HLCS: variants seen among roughly 807,000 people sequenced by gnomAD.
The protein encoded by HLCS is biotin--protein ligase.
A neutral mutation model predicts 75.0 loss-of-function variants in HLCS; 53 were observed. That is an observed-to-expected ratio of 0.71 (90% CI 0.57 to 0.89). HLCS has a LOEUF of 0.89. HLCS is among the 40% of genes least tolerant of loss of function. HLCS has a pLI of 0.00. For synonymous variants in HLCS, 431 were observed against 428.6 expected (o/e 1.01, Z -0.07); for missense variants, 966 against 1,074.0 (o/e 0.90, Z 1.41).
chr21:36,881,206 G>T (rs193018195), intron 6 of HLCS, among the ~76,000 whole-genome samples: 2 of 152,232 alleles, frequency 1.3e-5, no homozygotes, highest in Non-Finnish European at 2.9e-5. Context: ...CTGACCTCAA[G>T]TGATCCACCT....
chr21:36,961,466 G>A, intron 2 of HLCS, among the ~76,000 whole-genome samples: 1 of 152,112 alleles, frequency 6.6e-6, no homozygotes, highest in Non-Finnish European at 1.5e-5. Context: ...GCTTCAGTGA[G>A]CTATAATGAC....
At chr21:36,806,062 T>C (rs377375529) in intron 6 of HLCS, 8 of 152,216 alleles carry the variant, frequency 5.3e-5, no homozygotes, top group African/African-American at 1.7e-4. Flanking sequence ...TGAAGCTCTA[T>C]TTAAGGAGAG....
chr21:36,843,355 A>T (rs111287696), intron 6 of HLCS, among the ~76,000 whole-genome samples: 1,698 of 152,212 alleles, frequency 0.011, 24 homozygotes, highest in African/African-American at 0.038. Context: ...GGGCGATCAC[A>T]TGAGCCCAGG....
In HLCS at chr21:36,753,371, A is replaced by C. The variant is rs959598510; in HGVS notation, c.*875T>G. ...TCAGAGTAAATCTGAAACTGGCTTA[A>C]AAGCTCCAAATCCTCCCTTGTATGT... On this transcript the variant is annotated 3_prime_UTR_variant, in exon 11 of 11. Transcript: ENST00000674895. This position sits in a 1 kb window ranked among gnomAD's most constrained non-coding sequence, Gnocchi z 4.3. 6.6e-6 allele frequency: 1 copy of C among 152,208 alleles called. No individual in the cohort carries two copies. Among genetic ancestry groups the C allele is most frequent in the African/African-American group, 2.4e-5 (1 of 41,438 alleles). The allele number at this position is 152,208 out of a possible 1,614,324, so 9.4% of individuals were successfully genotyped here. A position where few individuals can be genotyped will look rare whatever the true frequency, so the allele number is the denominator to read the frequency against.
intron 6 of HLCS, among the ~76,000 whole-genome samples, chr21:36,869,927 T>C (rs1257206185): frequency 6.6e-6 from 1 of 152,160 alleles, no homozygotes; most frequent in Non-Finnish European, 1.5e-5. Context: ...ATTCCTGCTT[T>C]GGAATCCTTT....
chr21:36,986,203 C>T (rs887889809), intron 1 of HLCS, among the ~76,000 whole-genome samples: 2 of 152,166 alleles, frequency 1.3e-5, no homozygotes, highest in South Asian at 2.1e-4. Context: ...TTCTGCTTTC[C>T]ACCATGAGAT....
chr21:36,966,390 G>A (rs2068581395), intron 1 of HLCS, 54 bp downstream of exon 1: 3 of 674,346 alleles, frequency 4.4e-6, no homozygotes, highest in Admixed American at 6.3e-5. Flanking sequence ...GCGCAGGGAC[G>A]GGGGCACTTC....
At chr21:36,946,803 C>T in intron 2 of HLCS, among the ~76,000 whole-genome samples, 1 of 152,176 alleles carries the variant, frequency 6.6e-6, no homozygotes, top group East Asian at 1.9e-4. Context: ...CCCACCTCCT[C>T]GCAGACACAC....
At chr21:36,906,831 T>C (rs1206341539) in intron 5 of HLCS, among the ~76,000 whole-genome samples, 1 of 152,178 alleles carries the variant, frequency 6.6e-6, no homozygotes, top group Non-Finnish European at 1.5e-5. Context: ...GACGGTGTGG[T>C]ATTGGCACAC....
chr21:36,757,393 G>A (rs528917048), intron 9 of HLCS, among the ~76,000 whole-genome samples: 1 of 152,298 alleles, frequency 6.6e-6, no homozygotes, highest in South Asian at 2.1e-4. Flanking sequence ...CAGGGATGGT[G>A]TCTGAATAGG....
chr21:36,785,138 C>T (rs867920781), intron 6 of HLCS, among the ~76,000 whole-genome samples: 7 of 152,210 alleles, frequency 4.6e-5, no homozygotes, highest in Middle Eastern at 3.4e-3. Context: ...ACCACCCTGA[C>T]GCCCTGTGTG....
chr21:36,939,692 CCG>C (rs2067054732), intron 2 of HLCS, among the ~76,000 whole-genome samples: 1 of 152,160 alleles, frequency 6.6e-6, no homozygotes, highest in Non-Finnish European at 1.5e-5. Context: ...CTACAGAAGA[CCG>C]TGACACTGGG....
At chr21:36,888,486 A>ATTTATT (rs2064622501) in intron 6 of HLCS, among the ~76,000 whole-genome samples, 2 of 82,926 alleles carry the variant, frequency 2.4e-5, no homozygotes, top group Non-Finnish European at 4.9e-5. Flanking sequence ...ATATATATAT[A>ATTTATT]TATATATATA....
chr21:36,844,793 C>G (rs1388235110), intron 6 of HLCS, among the ~76,000 whole-genome samples: 1 of 151,852 alleles, frequency 6.6e-6, no homozygotes, highest in Non-Finnish European at 1.5e-5. Context: ...ACTTTAATAC[C>G]GTGGGGAGAA....
chr21:36,897,262 A>G lies in HLCS; in HGVS notation c.1621-131T>C, dbSNP rs958920214. ...CATGACCAAGAAAAGCTAGATTAAC[A>G]TATTCCATACATCTAAACGATTAGA... On this transcript the variant is annotated intron_variant, in intron 5 of 10. Coordinates refer to ENST00000674895, the MANE Select transcript of HLCS (RefSeq NM_001352514.2). 3 of 841,880 alleles carry G rather than the reference A, an allele frequency of 3.6e-6. No individual in the cohort carries two copies. In the African/African-American group the frequency reaches 5.0e-5, roughly 14 times the overall value. The allele number at this position is 841,880 out of a possible 1,614,324, so 52.2% of individuals were successfully genotyped here.
chr21:36,937,527 C>G, intron 3 of HLCS, 135 bp from the exon 4 acceptor site: 1 of 795,202 alleles, frequency 1.3e-6, no homozygotes, highest in Non-Finnish European at 2.1e-6. Context: ...GCACGGCTCC[C>G]ACCTGCATCC....
intron 5 of HLCS, among the ~76,000 whole-genome samples, chr21:36,907,867 A>C (rs1410011943): frequency 1.3e-5 from 2 of 152,220 alleles, no homozygotes; most frequent in African/African-American, 4.8e-5. Context: ...AAAATATCGG[A>C]TCGCCAATAA....
chr21:36,924,051 C>T (rs572145691), intron 5 of HLCS, among the ~76,000 whole-genome samples: 1 of 152,196 alleles, frequency 6.6e-6, no homozygotes, highest in African/African-American at 2.4e-5. Flanking sequence ...ATTCAAGGTG[C>T]ACCTGGAATT....
chr21:36,871,823 G>C (rs1379323544), intron 6 of HLCS, among the ~76,000 whole-genome samples: 1 of 152,140 alleles, frequency 6.6e-6, no homozygotes, highest in Non-Finnish European at 1.5e-5. Flanking sequence ...ATGGGCAAAA[G>C]ATTTGAACAA....
Sources: gnomAD v4.1 joint callset for allele counts (sites outside exome capture counted in the v4.1 genomes callset) on GRCh38, gnomAD v4.1.1 for gene constraint, Gnocchi (gnomAD v3.1) non-coding constraint, MANE v1.5 for transcripts, NCBI Gene and HGNC (gene_info 2026-07-23, HGNC 2026-07-21) for gene names.